Variants in CSNK2A2IP observed in about 807,000 individuals in gnomAD.
CSNK2A2IP encodes the protein casein kinase 2 subunit alpha' interacting protein, also known as casein kinase II subunit alpha'-interacting protein.
chr3:88,367,870 G>A, the CSNK2A2IP span, among the ~76,000 whole-genome samples: 2 of 152,030 alleles, frequency 1.3e-5, no homozygotes, highest in South Asian at 2.1e-4. Flanking sequence ...AATGGTTAAG[G>A]GGATAGTATT....
chr3:88,407,138 A>T, the CSNK2A2IP span, among the ~76,000 whole-genome samples: 1 of 152,092 alleles, frequency 6.6e-6, no homozygotes, highest in Non-Finnish European at 1.5e-5. Context: ...AGAAAACAGG[A>T]GCTTTTCAAT....
chr3:88,420,820 T>A, the CSNK2A2IP span, among the ~76,000 whole-genome samples: 2 of 152,190 alleles, frequency 1.3e-5, no homozygotes, highest in Non-Finnish European at 2.9e-5. Context: ...TAGAGGCCGA[T>A]GAATCATGCT....
chr3:88,446,928 C>G, the CSNK2A2IP span, among the ~76,000 whole-genome samples: 16 of 152,262 alleles, frequency 1.1e-4, no homozygotes, highest in African/African-American at 3.9e-4. Context: ...TTGTAGATTT[C>G]TCTATTAACT....
chr3:88,467,312 C>T, the CSNK2A2IP span: 2 of 399,746 alleles, frequency 5.0e-6, no homozygotes, highest in Admixed American at 4.4e-5. Flanking sequence ...TCATCCTCTT[C>T]CTCTCCTTCC....
At chr3:88,370,396 A>G in the CSNK2A2IP span, among the ~76,000 whole-genome samples, 1 of 151,930 alleles carries the variant, frequency 6.6e-6, no homozygotes, top group East Asian at 1.9e-4. Flanking sequence ...GTGGCTAGAC[A>G]GATATATTCA....
At chr3:88,451,463 T>C in the CSNK2A2IP span, among the ~76,000 whole-genome samples, 8 of 152,088 alleles carry the variant, frequency 5.3e-5, no homozygotes, top group East Asian at 1.5e-3. Context: ...GTGAGTTCAT[T>C]ATAAATTTTA....
chr3:88,411,875 A>G, the CSNK2A2IP span, among the ~76,000 whole-genome samples: 3 of 151,286 alleles, frequency 2.0e-5, no homozygotes, highest in Non-Finnish European at 4.4e-5. Flanking sequence ...AAAATATTTT[A>G]GAAAGGTCAG....
At chr3:88,377,724 T>C in the CSNK2A2IP span, among the ~76,000 whole-genome samples, 2 of 151,842 alleles carry the variant, frequency 1.3e-5, no homozygotes. Context: ...AAGAGAAAAC[T>C]GAAGAATAAA....
the CSNK2A2IP span, among the ~76,000 whole-genome samples, chr3:88,418,461 T>TGCGCGC: frequency 0.011 from 827 of 75,820 alleles, 8 homozygotes; most frequent in African/African-American, 0.032. Flanking sequence ...TGTGTGTGTG[T>TGCGCGC]GTGCGCGCGG....
chr3:88,415,153 T>C, the CSNK2A2IP span, among the ~76,000 whole-genome samples: 1 of 151,962 alleles, frequency 6.6e-6, no homozygotes, highest in Non-Finnish European at 1.5e-5. Flanking sequence ...TTTTTCTTTT[T>C]CTCCCTAAAT....
chr3:88,390,763 A>G, the CSNK2A2IP span, among the ~76,000 whole-genome samples: 11 of 152,158 alleles, frequency 7.2e-5, no homozygotes, highest in East Asian at 3.8e-4. Context: ...TATTTTTGCC[A>G]TGTATTATTT....
chr3:88,429,402 T>C, the CSNK2A2IP span, among the ~76,000 whole-genome samples: 1 of 152,222 alleles, frequency 6.6e-6, no homozygotes, highest in African/African-American at 2.4e-5. Context: ...GGGAAGTACC[T>C]GGGAGAGTTT....
the CSNK2A2IP span, among the ~76,000 whole-genome samples, chr3:88,463,301 C>G: frequency 6.6e-6 from 1 of 151,098 alleles, no homozygotes; most frequent in African/African-American, 2.4e-5. Context: ...TCTGAAGAGC[C>G]AACCTTGGAC....
the CSNK2A2IP span, among the ~76,000 whole-genome samples, chr3:88,379,116 C>T: frequency 6.6e-6 from 1 of 151,796 alleles, no homozygotes; most frequent in Non-Finnish European, 1.5e-5. Context: ...GTCAATCTGA[C>T]CACAGAGCTC....
the CSNK2A2IP span, among the ~76,000 whole-genome samples, chr3:88,445,374 C>T: frequency 3.3e-5 from 5 of 150,002 alleles, no homozygotes; most frequent in African/African-American, 9.8e-5. Context: ...TGCTTGAGCT[C>T]GGGAGGCATA....
At chr3:88,463,456 TA>T in the CSNK2A2IP span, among the ~76,000 whole-genome samples, 1 of 152,144 alleles carries the variant, frequency 6.6e-6, no homozygotes, top group Admixed American at 6.5e-5. Context: ...ATAGTTCATT[TA>T]AAAATCGTAA....
At chr3:88,458,082 AG>A in the CSNK2A2IP span, among the ~76,000 whole-genome samples, 22 of 149,890 alleles carry the variant, frequency 1.5e-4, no homozygotes, top group African/African-American at 5.2e-4. Context: ...TTTTAATATC[AG>A]TAGTGTGTAG....
chr3:88,433,313 C>T, the CSNK2A2IP span, among the ~76,000 whole-genome samples: 2 of 152,026 alleles, frequency 1.3e-5, no homozygotes, highest in South Asian at 2.1e-4. Flanking sequence ...TTGATTTGTA[C>T]ACCCTATATA....
chr3:88,430,587 A>G, the CSNK2A2IP span, among the ~76,000 whole-genome samples: 3 of 152,150 alleles, frequency 2.0e-5, no homozygotes, highest in African/African-American at 7.2e-5. Context: ...GGAAAATGAG[A>G]AAATGTAAGC....
Sources: gnomAD v4.1 joint callset for allele counts (sites outside exome capture counted in the v4.1 genomes callset) on GRCh38, gnomAD v4.1.1 for gene constraint, MANE v1.5 for transcripts, NCBI Gene and HGNC (gene_info 2026-07-23, HGNC 2026-07-21) for gene names.